The following ANKRD30B variants were observed in gnomAD, a reference collection of about 807,000 sequenced individuals.
ANKRD30B encodes the protein ankyrin repeat domain-containing protein 30B.
In ANKRD30B, 144 loss-of-function variants were observed where a neutral mutation model predicts 202.2. That is an observed-to-expected ratio of 0.71 (90% CI 0.62 to 0.82). The LOEUF is 0.82. Ranked by LOEUF, ANKRD30B falls within the 40% of genes least tolerant of loss-of-function variation. The probability of loss-of-function intolerance (pLI) is 0.00; values close to 1 mark genes in which losing one functional copy is unlikely to be tolerated. For synonymous variants in ANKRD30B, 508 were observed against 561.3 expected, an observed-to-expected ratio of 0.91 and a Z score of 1.34; for missense variants, 1,487 against 1,669.1, an observed-to-expected ratio of 0.89 and a Z score of 1.90.
chr18:14,757,236 C>T (rs1914513573), intron 4 of ANKRD30B, among the ~76,000 whole-genome samples: 1 of 152,158 alleles, frequency 6.6e-6, no homozygotes. Flanking sequence ...CTAGCTTCCT[C>T]ACTTGATAGG....
At chr18:14,940,612 C>T in the ANKRD30B span, among the ~76,000 whole-genome samples, 1 of 152,156 alleles carries the variant, frequency 6.6e-6, no homozygotes, top group Admixed American at 6.5e-5. Flanking sequence ...AACTTAATTG[C>T]TCAAATAATG....
chr18:14,934,859 G>A, the ANKRD30B span, among the ~76,000 whole-genome samples: 17 of 151,598 alleles, frequency 1.1e-4, no homozygotes, highest in Admixed American at 4.6e-4. Context: ...AGGGGCTGCA[G>A]GAGAGAGAGG....
At chr18:14,928,481 A>C in the ANKRD30B span, among the ~76,000 whole-genome samples, 2 of 152,166 alleles carry the variant, frequency 1.3e-5, no homozygotes, top group Non-Finnish European at 2.9e-5. Context: ...AAAGTGGTGG[A>C]GGAAGGAGAA....
At chr18:14,818,793 G>C (rs1970255249) in intron 30 of ANKRD30B, among the ~76,000 whole-genome samples, 1 of 151,922 alleles carries the variant, frequency 6.6e-6, no homozygotes, top group Non-Finnish European at 1.5e-5. Context: ...CCAAGTCTTT[G>C]CTATTGTGAA....
At chr18:14,913,292 C>A in the ANKRD30B span, among the ~76,000 whole-genome samples, 8 of 152,178 alleles carry the variant, frequency 5.3e-5, 1 homozygote, top group Admixed American at 5.2e-4. Context: ...CCATTCACAG[C>A]AGCTGGCCAG....
the ANKRD30B span, among the ~76,000 whole-genome samples, chr18:14,894,532 C>G: frequency 6.6e-6 from 1 of 151,830 alleles, no homozygotes; most frequent in Non-Finnish European, 1.5e-5. Flanking sequence ...AGCATGATAA[C>G]TAAATATTAT....
chr18:14,798,969 C>A, intron 20 of ANKRD30B, 132 bp from the exon 21 acceptor site: 1 of 999,364 alleles, frequency 1.0e-6, no homozygotes, highest in South Asian at 1.3e-5. Context: ...CCCAAAAGAC[C>A]CCAAAACCTA....
chr18:14,768,011 T>A (rs1409253458), intron 7 of ANKRD30B, among the ~76,000 whole-genome samples: 27 of 152,192 alleles, frequency 1.8e-4, no homozygotes, highest in Non-Finnish European at 1.5e-5. Context: ...ATGCTAATAA[T>A]TGAGTGATGG....
chr18:14,848,589 T>C (rs1234674030), intron 39 of ANKRD30B, 127 bp from the exon 40 acceptor site: 3 of 675,628 alleles, frequency 4.4e-6, no homozygotes, highest in Non-Finnish European at 6.5e-6. Flanking sequence ...CTTAGTATAA[T>C]GCCTTCCACA....
At position 14,757,835 on chromosome 18, in the gene ANKRD30B, T is replaced by C; in HGVS notation, c.638T>C (p.Ile213Thr). ...ESKCTALMLA[I>T]CEGSSEIVGM... is the part of the protein sequence containing the mutation. ...TTTAGCACAGCCCTCATGCTTGCCA[T>C]ATGTGAAGGCTCATCAGAGATAGTC... Residue 213 changes from isoleucine (I) to threonine (T), a missense_variant, in exon 5 of 44, where the codon ATA becomes ACA. Physicochemically the swap from Ile to Thr is moderately conservative, Grantham distance 89. Transcript: ENST00000690538. 1 of 1,613,576 alleles carries C rather than the reference T, an allele frequency of 6.2e-7. No individual in the cohort carries two copies.
At chr18:14,765,087 T>C (rs1915895330) in intron 7 of ANKRD30B, among the ~76,000 whole-genome samples, 1 of 152,112 alleles carries the variant, frequency 6.6e-6, no homozygotes, top group African/African-American at 2.4e-5. Context: ...AGTCACAAGA[T>C]TGGATCTGAG....
chr18:14,807,713 G>A (rs1598651195), intron 24 of ANKRD30B, among the ~76,000 whole-genome samples: 1 of 149,908 alleles, frequency 6.7e-6, no homozygotes, highest in East Asian at 2.0e-4. Flanking sequence ...TGTATTTTTT[G>A]TGGAGACAGG....
chr18:14,769,031 A>G (rs112834816), intron 7 of ANKRD30B, among the ~76,000 whole-genome samples: 15 of 152,210 alleles, frequency 9.9e-5, no homozygotes, highest in African/African-American at 3.4e-4. Context: ...GTCTCAAGGT[A>G]TGGTCCCAAA....
At chr18:14,808,810 C>T (rs45604236) in intron 26 of ANKRD30B, 66 bp downstream of exon 26, 4 of 1,344,702 alleles carry the variant, frequency 3.0e-6, no homozygotes, top group Non-Finnish European at 4.0e-6. Flanking sequence ...ATGCCAAGAG[C>T]CTTTTATTCC....
chr18:14,755,775 T>C (rs1331717362), intron 4 of ANKRD30B, among the ~76,000 whole-genome samples: 1 of 152,204 alleles, frequency 6.6e-6, no homozygotes, highest in African/African-American at 2.4e-5. Flanking sequence ...GGTGTATATG[T>C]GCCACATTTT....
chr18:14,929,915 A>G, the ANKRD30B span, among the ~76,000 whole-genome samples: 1 of 152,170 alleles, frequency 6.6e-6, no homozygotes, highest in South Asian at 2.1e-4. Flanking sequence ...TCACAGGGTA[A>G]TGAGGAAAAT....
At chr18:14,829,028 C>A (rs1455229137) in intron 33 of ANKRD30B, among the ~76,000 whole-genome samples, 4 of 152,102 alleles carry the variant, frequency 2.6e-5, no homozygotes, top group African/African-American at 9.7e-5. Flanking sequence ...TAGTTGCATG[C>A]ACTCTTCATT....
At chr18:14,911,710 T>C in the ANKRD30B span, among the ~76,000 whole-genome samples, 3 of 152,294 alleles carry the variant, frequency 2.0e-5, no homozygotes, top group East Asian at 5.8e-4. Flanking sequence ...TGGGTTGCTT[T>C]GGGCTGTATG....
At chr18:14,767,733 G>T (rs781356923) in intron 7 of ANKRD30B, among the ~76,000 whole-genome samples, 4 of 152,012 alleles carry the variant, frequency 2.6e-5, no homozygotes, top group Non-Finnish European at 4.4e-5. Context: ...CATATGCAAA[G>T]GAATGATTCA....
Sources: gnomAD v4.1 joint callset for allele counts (sites outside exome capture counted in the v4.1 genomes callset) on GRCh38, gnomAD v4.1.1 for gene constraint, MANE v1.5 for transcripts, NCBI Gene and HGNC (gene_info 2026-07-23, HGNC 2026-07-21) for gene names.